POC1A: variants seen among roughly 807,000 people sequenced by gnomAD.
POC1A encodes POC1 centriolar protein A.
In POC1A, 34 loss-of-function variants were observed where a neutral mutation model predicts 47.8. The ratio of observed to expected loss-of-function variants is 0.71; its 90% confidence interval spans 0.54 to 0.95. POC1A has a LOEUF of 0.95. POC1A is among the 40% of genes least tolerant of loss of function. POC1A has a pLI of 0.00. For synonymous variants in POC1A, 177 were observed against 207.6 expected, an observed-to-expected ratio of 0.85 and a Z score of 1.27; for missense variants, 466 against 528.3, an observed-to-expected ratio of 0.88 and a Z score of 1.16.
chr3:52,080,969 A>G (rs1243591045), intron 10 of POC1A, among the ~76,000 whole-genome samples: 1 of 152,186 alleles, frequency 6.6e-6, no homozygotes, highest in Non-Finnish European at 1.5e-5. Flanking sequence ...AGGAAGCCTC[A>G]TGGGGTGTGG....
intron 9 of POC1A, among the ~76,000 whole-genome samples, chr3:52,106,706 A>G (rs1022718536): frequency 2.6e-5 from 4 of 152,050 alleles, no homozygotes; most frequent in African/African-American, 9.7e-5. Context: ...CTGTCATCCT[A>G]TTTCACCTGT....
chr3:52,110,605 G>A (rs1044579952), intron 9 of POC1A, among the ~76,000 whole-genome samples: 3 of 152,264 alleles, frequency 2.0e-5, no homozygotes, highest in Non-Finnish European at 2.9e-5. Context: ...GTTACAAGAC[G>A]ATTCTTGTGG....
intron 6 of POC1A, among the ~76,000 whole-genome samples, chr3:52,142,811 A>C (rs113613850): frequency 2.0e-5 from 3 of 152,044 alleles, no homozygotes; most frequent in Non-Finnish European, 4.4e-5. Flanking sequence ...ATTCCACTGC[A>C]CCTATGGGGG....
At chr3:52,086,162 G>A (rs1702450952) in intron 10 of POC1A, among the ~76,000 whole-genome samples, 1 of 152,148 alleles carries the variant, frequency 6.6e-6, no homozygotes, top group South Asian at 2.1e-4. Context: ...ACCAACACAG[G>A]AGCCAGATAA....
intron 4 of POC1A, 103 bp downstream of exon 4, chr3:52,149,107 C>T (rs1698466519): frequency 1.1e-6 from 1 of 898,422 alleles, no homozygotes; most frequent in African/African-American, 1.6e-5. Context: ...TAAACAATGC[C>T]TAAGTAACTT....
intron 10 of POC1A, among the ~76,000 whole-genome samples, chr3:52,091,972 A>G (rs111527725): frequency 0.021 from 3,123 of 152,314 alleles, 93 homozygotes; most frequent in African/African-American, 0.066. Context: ...CCAGGCTGAC[A>G]GGCAGGTGGC....
At chr3:52,117,658 C>T (rs1171820720) in intron 9 of POC1A, among the ~76,000 whole-genome samples, 1 of 152,104 alleles carries the variant, frequency 6.6e-6, no homozygotes, top group Non-Finnish European at 1.5e-5. Context: ...AATGTGTGAA[C>T]CGGACAGCAG....
intron 10 of POC1A, among the ~76,000 whole-genome samples, chr3:52,094,478 G>C (rs1702743639): frequency 6.6e-6 from 1 of 152,246 alleles, no homozygotes; most frequent in Non-Finnish European, 1.5e-5. Context: ...GCTGTGGCTG[G>C]AACATCTCAG....
At chr3:52,112,126 G>A (rs1053495727) in intron 9 of POC1A, among the ~76,000 whole-genome samples, 15 of 152,176 alleles carry the variant, frequency 9.9e-5, no homozygotes, top group African/African-American at 3.6e-4. Context: ...GGTTTAAAGG[G>A]CCCACGGGGC....
At chr3:52,120,502 G>T (rs1703739030) in intron 9 of POC1A, among the ~76,000 whole-genome samples, 2 of 152,222 alleles carry the variant, frequency 1.3e-5, no homozygotes, top group Admixed American at 1.3e-4. Flanking sequence ...CTTGGTGGGG[G>T]TCTCAAAGCT....
chr3:52,091,389 A>G (rs573963024), intron 10 of POC1A, among the ~76,000 whole-genome samples: 1 of 152,358 alleles, frequency 6.6e-6, no homozygotes, highest in Non-Finnish European at 1.5e-5. Flanking sequence ...CATGTTCCCT[A>G]AAAAGCATTA....
At chr3:52,087,758 A>G (rs1702509273) in intron 10 of POC1A, among the ~76,000 whole-genome samples, 1 of 152,186 alleles carries the variant, frequency 6.6e-6, no homozygotes, top group Non-Finnish European at 1.5e-5. Flanking sequence ...CATTCATAAA[A>G]CCGGATGCTC....
chr3:52,134,388 T>C (rs1412873344), intron 7 of POC1A, among the ~76,000 whole-genome samples: 2 of 152,140 alleles, frequency 1.3e-5, no homozygotes, highest in Non-Finnish European at 2.9e-5. Flanking sequence ...TTCCAGCACT[T>C]TGGGAGGCTG....
intron 10 of POC1A, among the ~76,000 whole-genome samples, chr3:52,092,967 G>A (rs1702694319): frequency 6.6e-6 from 1 of 152,292 alleles, no homozygotes; most frequent in South Asian, 2.1e-4. Context: ...CAGCCAAAGT[G>A]CTGTTTGTCT....
chr3:52,099,657 C>T (rs915299170), intron 9 of POC1A, among the ~76,000 whole-genome samples: 10 of 152,130 alleles, frequency 6.6e-5, no homozygotes, highest in African/African-American at 2.2e-4. Flanking sequence ...TCAAGACAAG[C>T]CTGGCCAATA....
rs753553543 is a variant in POC1A, at chr3:52,154,414, C to T, written c.-42G>A. 9 of 1,414,196 alleles carry T rather than the reference C, an allele frequency of 6.4e-6. No homozygotes were observed. Among genetic ancestry groups the T allele is most frequent in the Middle Eastern group, 2.4e-4 (1 of 4,114 alleles). 87.6% of individuals were successfully genotyped at this position (1,414,196 alleles called of 1,614,324 possible). A position where few individuals can be genotyped will look rare whatever the true frequency, so the allele number is the denominator to read the frequency against. ...CCGAAGGCAGCTGCGGTGGCCGTTG[C>T]GGCCCGTTCAGTTTCCGCGCCCCCA... is the stretch of plus-strand genomic sequence containing the variant. On this transcript the variant is annotated 5_prime_UTR_variant, in exon 1 of 11. Transcript: ENST00000296484.
chr3:52,082,100 C>T (rs1051720401), intron 10 of POC1A, among the ~76,000 whole-genome samples: 6 of 151,788 alleles, frequency 4.0e-5, no homozygotes, highest in African/African-American at 1.5e-4. Flanking sequence ...GAAGCCTGAG[C>T]CAGCAGCAGA....
intron 9 of POC1A, among the ~76,000 whole-genome samples, chr3:52,099,911 T>C (rs1473057043): frequency 1.3e-5 from 2 of 152,238 alleles, no homozygotes; most frequent in Admixed American, 6.5e-5. Context: ...TATACTCGTA[T>C]AGGCCTACAC....
At chr3:52,097,346 T>C (rs142793478) in intron 9 of POC1A, among the ~76,000 whole-genome samples, 1 of 152,248 alleles carries the variant, frequency 6.6e-6, no homozygotes, top group African/African-American at 2.4e-5. Flanking sequence ...CTGGCAGGAA[T>C]CAGACTCCAC....
Sources: allele counts gnomAD v4.1 joint callset (sites outside exome capture counted in the v4.1 genomes callset), GRCh38; gene constraint gnomAD v4.1.1; transcripts MANE v1.5; gene names NCBI Gene and HGNC (gene_info 2026-07-23, HGNC 2026-07-21).